KDM4C: variants seen among roughly 807,000 people sequenced by gnomAD.
KDM4C encodes lysine demethylase 4C, also known as lysine-specific demethylase 4C.
Under a neutral mutation model 129.3 loss-of-function variants are expected in KDM4C, and 81 were observed. That is an observed-to-expected ratio of 0.63 (90% confidence interval 0.52 to 0.75). The LOEUF is 0.75. KDM4C is among the 30% of genes least tolerant of loss of function. The pLI, the probability that KDM4C is intolerant of heterozygous loss-of-function variation, is 0.00. For missense variants in KDM4C, 1,457 were observed against 1,304.0 expected, an observed-to-expected ratio of 1.12 and a Z score of -1.81; for synonymous variants, 573 against 456.1, an observed-to-expected ratio of 1.26 and a Z score of -3.26.
intron 17 of KDM4C, among the ~76,000 whole-genome samples, chr9:7,067,034 G>C (rs1027122003): frequency 6.6e-6 from 1 of 152,180 alleles, no homozygotes; most frequent in African/African-American, 2.4e-5. Context: ...ATTTCTCTAA[G>C]AATCCTATTT....
intron 17 of KDM4C, among the ~76,000 whole-genome samples, chr9:7,056,363 G>T (rs1261185823): frequency 7.4e-6 from 1 of 135,942 alleles, no homozygotes; most frequent in Non-Finnish European, 1.6e-5. Flanking sequence ...AAAAAAAAAA[G>T]TACATTAGTA....
intron 18 of KDM4C, among the ~76,000 whole-genome samples, chr9:7,111,220 C>T (rs2133216092): frequency 6.6e-6 from 1 of 151,946 alleles, no homozygotes; most frequent in East Asian, 1.9e-4. Context: ...CTTCAGTGTC[C>T]CATTCATGGT....
intron 2 of KDM4C, among the ~76,000 whole-genome samples, chr9:6,798,972 C>G (rs1828350104): frequency 8.5e-6 from 1 of 117,788 alleles, no homozygotes; most frequent in Admixed American, 7.9e-5. Context: ...CGATGGGTGG[C>G]CGGGCAGAGA....
intron 17 of KDM4C, among the ~76,000 whole-genome samples, chr9:7,083,395 T>G (rs576468852): frequency 3.9e-5 from 6 of 152,346 alleles, no homozygotes; most frequent in African/African-American, 1.4e-4. Context: ...TGCTTAACAA[T>G]GGGGATGCAT....
At chr9:7,126,697 A>C (rs1231712181) in intron 18 of KDM4C, among the ~76,000 whole-genome samples, 2 of 152,040 alleles carry the variant, frequency 1.3e-5, no homozygotes, top group Non-Finnish European at 2.9e-5. Context: ...AATCAAAGAT[A>C]CTCCTCTAAT....
chr9:6,855,326 G>T (rs1390807369), intron 5 of KDM4C, among the ~76,000 whole-genome samples: 6 of 151,914 alleles, frequency 3.9e-5, no homozygotes, highest in Non-Finnish European at 7.4e-5. Context: ...GGGCATGGTG[G>T]TGCATGACTG....
intron 8 of KDM4C, among the ~76,000 whole-genome samples, chr9:6,917,943 C>G (rs1352998912): frequency 1.3e-5 from 2 of 152,182 alleles, no homozygotes; most frequent in Non-Finnish European, 2.9e-5. Context: ...TCACGTTTTC[C>G]TTCTCCACTA....
chr9:6,895,963 T>A (rs923870934), intron 8 of KDM4C, among the ~76,000 whole-genome samples: 17 of 152,232 alleles, frequency 1.1e-4, no homozygotes, highest in South Asian at 2.1e-4. Flanking sequence ...GCATTTTTTT[T>A]ACCCAGATTT....
chr9:6,799,357 G>A (rs1828457210), intron 2 of KDM4C, among the ~76,000 whole-genome samples: 4 of 152,230 alleles, frequency 2.6e-5, no homozygotes, highest in African/African-American at 7.2e-5. Flanking sequence ...GCGGTTAGGA[G>A]CTGGAGACCA....
chr9:7,084,939 G>C (rs1365782176), intron 17 of KDM4C, among the ~76,000 whole-genome samples: 1 of 152,220 alleles, frequency 6.6e-6, no homozygotes, highest in African/African-American at 2.4e-5. Context: ...TGTGCCATGA[G>C]AGTGCCCATC....
At chr9:6,885,043 T>C (rs1845047246) in intron 6 of KDM4C, among the ~76,000 whole-genome samples, 1 of 152,346 alleles carries the variant, frequency 6.6e-6, no homozygotes, top group East Asian at 1.9e-4. Flanking sequence ...ATTCACTTAT[T>C]TTAAGAATAG....
chr9:6,797,484 A>G (rs558918548), intron 2 of KDM4C, among the ~76,000 whole-genome samples: 1 of 152,336 alleles, frequency 6.6e-6, no homozygotes, highest in Non-Finnish European at 1.5e-5. Flanking sequence ...TTGACTGTCT[A>G]CAAAGTTGAT....
At chr9:7,168,666 T>C (rs548225223) in intron 20 of KDM4C, among the ~76,000 whole-genome samples, 65 of 152,334 alleles carry the variant, frequency 4.3e-4, no homozygotes, top group East Asian at 7.7e-4. Flanking sequence ...GAAACAGATT[T>C]TCCCAGCTCC....
intron 4 of KDM4C, among the ~76,000 whole-genome samples, chr9:6,822,890 CT>C (rs1259012494): frequency 1.3e-5 from 2 of 152,228 alleles, no homozygotes; most frequent in African/African-American, 4.8e-5. Context: ...AGCTACATCT[CT>C]TTTTTTCTGT....
chr9:6,952,236 T>G (rs929411752), intron 8 of KDM4C, among the ~76,000 whole-genome samples: 1 of 151,930 alleles, frequency 6.6e-6, no homozygotes, highest in Non-Finnish European at 1.5e-5. Context: ...TAACATAGAG[T>G]TATTTAAAAC....
chr9:6,924,322 C>G (rs932496845), intron 8 of KDM4C, among the ~76,000 whole-genome samples: 11 of 152,170 alleles, frequency 7.2e-5, no homozygotes, highest in Admixed American at 5.2e-4. Context: ...TTGCCCTAGT[C>G]TCTTACCTGT....
chr9:6,807,080 G>C (rs1005821567), intron 3 of KDM4C, among the ~76,000 whole-genome samples: 1 of 151,852 alleles, frequency 6.6e-6, no homozygotes, highest in Non-Finnish European at 1.5e-5. Context: ...GGTGGAGACG[G>C]GGTTTCGCTG....
rs1460240335 is a variant in KDM4C, at chr9:6,879,529, T to A, written c.630-483T>A. Among the ~76,000 whole-genome samples the A allele has an allele frequency of 2.0e-5, 3 of 152,220 alleles. No homozygotes were observed. The East Asian group carries it at 5.8e-4, about 29-fold the overall frequency. ...TTTGGTGGAAATATAAATGTTGGTGTAATAATTTTGTGTTCTGTTCTGCTT... is the reference window on the plus strand; with the variant it reads ...TTTGGTGGAAATATAAATGTTGGTGAAATAATTTTGTGTTCTGTTCTGCTT... On this transcript the variant is annotated intron_variant, in intron 5 of 21. Coordinates refer to ENST00000381309, the MANE Select transcript of KDM4C (RefSeq NM_015061.6).
chr9:6,775,921 C>T (rs536080415), intron 1 of KDM4C, among the ~76,000 whole-genome samples: 1 of 152,278 alleles, frequency 6.6e-6, no homozygotes, highest in South Asian at 2.1e-4. Flanking sequence ...CCATTAGATG[C>T]AACTTGAACT....
Sources: allele counts gnomAD v4.1 joint callset (sites outside exome capture counted in the v4.1 genomes callset), GRCh38; gene constraint gnomAD v4.1.1; transcripts MANE v1.5; gene names NCBI Gene and HGNC (gene_info 2026-07-23, HGNC 2026-07-21).